Variants in SGCZ observed in about 807,000 individuals in gnomAD.
The protein encoded by SGCZ is zeta-sarcoglycan.
Under a neutral mutation model 41.3 loss-of-function variants are expected in SGCZ, and 40 were observed. The ratio of observed to expected loss-of-function variants is 0.97; its 90% CI spans 0.75 to 1.26. The LOEUF is 1.26. Ranked by LOEUF, SGCZ falls within the 50% of genes most tolerant of loss-of-function variation. The pLI, the probability that SGCZ is intolerant of heterozygous loss-of-function variation, is 0.00. For synonymous variants in SGCZ, 206 were observed against 137.5 expected (o/e 1.50, Z -3.49); for missense variants, 552 against 369.8 (o/e 1.49, Z -4.04).
At chr8:14,433,531 T>C (rs73188356) in intron 2 of SGCZ, among the ~76,000 whole-genome samples, 1 of 152,188 alleles carries the variant, frequency 6.6e-6, no homozygotes, top group African/African-American at 2.4e-5. Context: ...GGTAGAAATG[T>C]AACTTACAAA....
rs527293244 is a variant in SGCZ, at chr8:14,766,837, C to T, written c.40-211911G>A. On this transcript the variant is annotated intron_variant, in intron 1 of 7. Coordinates refer to ENST00000382080, the MANE Select transcript of SGCZ (RefSeq NM_139167.4). ...AAACAGTCTGCCCGCCTCGGCCTCCCAAAGTGCTGGGATTACAGGCATGAG... is the reference window on the plus strand; with the variant it reads ...AAACAGTCTGCCCGCCTCGGCCTCCTAAAGTGCTGGGATTACAGGCATGAG... Among the ~76,000 whole-genome samples, 462 of 150,936 alleles carry T rather than the reference C, an allele frequency of 3.1e-3. 1 individual carries two copies. Among genetic ancestry groups the T allele is most frequent in the Middle Eastern group, 6.8e-3 (2 of 292 alleles).
intron 3 of SGCZ, among the ~76,000 whole-genome samples, chr8:14,265,785 AT>A (rs1799847214): frequency 6.6e-6 from 1 of 151,862 alleles, no homozygotes; most frequent in Admixed American, 6.6e-5. Flanking sequence ...AATGAAATAA[AT>A]TAAAAAAAAA....
chr8:14,337,037 T>A (rs17232265), intron 2 of SGCZ, among the ~76,000 whole-genome samples: 56,592 of 151,894 alleles, frequency 0.37, 12,611 homozygotes, highest in South Asian at 0.69. Flanking sequence ...ATTTTCCCAA[T>A]TACTGGGAGG....
intron 1 of SGCZ, among the ~76,000 whole-genome samples, chr8:14,777,935 GA>G (rs1250460904): frequency 6.8e-6 from 1 of 147,418 alleles, no homozygotes; most frequent in Non-Finnish European, 1.5e-5. Context: ...ATCATTTAAA[GA>G]AAAAAATTGG....
chr8:14,360,721 G>T (rs1368419909), intron 2 of SGCZ, among the ~76,000 whole-genome samples: 1 of 152,110 alleles, frequency 6.6e-6, no homozygotes. Flanking sequence ...CATCTAAATT[G>T]TTTCTAGGTT....
chr8:14,256,788 C>G (rs558132749), intron 3 of SGCZ, among the ~76,000 whole-genome samples: 6 of 152,310 alleles, frequency 3.9e-5, no homozygotes, highest in African/African-American at 1.4e-4. Flanking sequence ...GAGTTATCAA[C>G]TTTCCGGGTT....
intron 1 of SGCZ, among the ~76,000 whole-genome samples, chr8:14,638,634 C>T (rs766976188): frequency 6.6e-6 from 1 of 151,740 alleles, no homozygotes; most frequent in Non-Finnish European, 1.5e-5. Flanking sequence ...TGAGAATCTC[C>T]TTTTCTCAGG....
intron 1 of SGCZ, among the ~76,000 whole-genome samples, chr8:14,582,420 T>C (rs1019914162): frequency 1.3e-5 from 2 of 152,154 alleles, no homozygotes; most frequent in African/African-American, 2.4e-5. Context: ...AATACATACA[T>C]ATATGCACAT....
intron 5 of SGCZ, among the ~76,000 whole-genome samples, chr8:14,157,359 T>TGA (rs368263682): frequency 0.061 from 7,871 of 128,916 alleles, 239 homozygotes; most frequent in Admixed American, 0.097. Context: ...TGTGTGTGTG[T>TGA]GTGTGAGTGT....
intron 2 of SGCZ, chr8:14,332,561 T>A (rs1802372171): frequency 6.6e-6 from 1 of 152,144 alleles, no homozygotes; most frequent in Admixed American, 6.6e-5. Flanking sequence ...GTGAGGCTGG[T>A]CTGAAGGTAG....
intron 1 of SGCZ, among the ~76,000 whole-genome samples, chr8:14,688,120 A>C (rs1808677669): frequency 6.6e-6 from 1 of 152,126 alleles, no homozygotes; most frequent in African/African-American, 2.4e-5. Context: ...GTAGGTTGCG[A>C]AAATTTTCTC....
rs781078162 is a variant in SGCZ at position 14,675,699 on chromosome 8, C to T, written c.40-120773G>A. 5.9e-5 allele frequency among the ~76,000 whole-genome samples: 9 copies of T among 152,254 alleles called. No individual in the cohort carries two copies. In the South Asian group the frequency reaches 6.2e-4, roughly 11 times the overall value. Reference sequence around the variant, plus strand: ...GGACAGAAACACAACTCTGATTTCCCGTCTTGCCTTAAACACCTGGAACTC... The same window carrying T: ...GGACAGAAACACAACTCTGATTTCCTGTCTTGCCTTAAACACCTGGAACTC... On this transcript the variant is annotated intron_variant, in intron 1 of 7. Transcript: ENST00000382080.
intron 1 of SGCZ, among the ~76,000 whole-genome samples, chr8:14,677,600 G>C (rs1753455544): frequency 6.6e-6 from 1 of 151,984 alleles, no homozygotes; most frequent in African/African-American, 2.4e-5. Flanking sequence ...GTGAAACCCA[G>C]TCTCTACTAA....
intron 3 of SGCZ, among the ~76,000 whole-genome samples, chr8:14,245,694 C>G (rs1799062665): frequency 6.6e-6 from 1 of 152,094 alleles, no homozygotes; most frequent in Admixed American, 6.6e-5. Flanking sequence ...ACAACCTACT[C>G]ATCTGACAAA....
At chr8:14,832,574 T>G (rs1210166545) in intron 1 of SGCZ, among the ~76,000 whole-genome samples, 1 of 152,178 alleles carries the variant, frequency 6.6e-6, no homozygotes, top group Non-Finnish European at 1.5e-5. Context: ...ACATATACTT[T>G]GTAGAATTTA....
chr8:14,528,894 A>AT (rs796859690), intron 2 of SGCZ, among the ~76,000 whole-genome samples: 20 of 151,798 alleles, frequency 1.3e-4, no homozygotes, highest in African/African-American at 2.2e-4. Flanking sequence ...TAAAAGAAGC[A>AT]TTTTTTTCAT....
At chr8:14,501,474 T>A (rs1164668120) in intron 2 of SGCZ, among the ~76,000 whole-genome samples, 1 of 152,066 alleles carries the variant, frequency 6.6e-6, no homozygotes, top group African/African-American at 2.4e-5. Flanking sequence ...AATATTGACA[T>A]ATACCATATA....
intron 2 of SGCZ, among the ~76,000 whole-genome samples, chr8:14,415,963 G>T (rs1799480901): frequency 6.6e-6 from 1 of 151,840 alleles, no homozygotes; most frequent in African/African-American, 2.4e-5. Flanking sequence ...TATAATAATG[G>T]AAACATGCTT....
At chr8:14,435,817 T>C (rs775119429) in intron 2 of SGCZ, among the ~76,000 whole-genome samples, 1 of 152,224 alleles carries the variant, frequency 6.6e-6, no homozygotes, top group Non-Finnish European at 1.5e-5. Context: ...TCAATCATCG[T>C]ATTTATTTAA....
Sources: allele counts gnomAD v4.1 joint callset (sites outside exome capture counted in the v4.1 genomes callset), GRCh38; gene constraint gnomAD v4.1.1; transcripts MANE v1.5; gene names NCBI Gene and HGNC (gene_info 2026-07-23, HGNC 2026-07-21).